GRIPAP1: variants seen among roughly 807,000 people sequenced by gnomAD.
The protein encoded by GRIPAP1 is GRIP1 associated protein 1.
A neutral mutation model predicts 84.1 loss-of-function variants in GRIPAP1; 14 were observed. That is an observed-to-expected ratio of 0.17 (90% CI 0.11 to 0.26). The LOEUF (loss-of-function observed/expected upper bound fraction) is 0.26. Ranked by LOEUF, GRIPAP1 falls within the 10% of genes least tolerant of loss-of-function variation. The probability of loss-of-function intolerance (pLI) is 1.00; values close to 1 mark genes in which losing one functional copy is unlikely to be tolerated. For synonymous variants in GRIPAP1, 261 were observed against 256.8 expected (o/e 1.02, Z -0.15); for missense variants, 518 against 674.2 (o/e 0.77, Z 2.57).
intron 1 of GRIPAP1, 103 bp downstream of exon 1, chrX:49,002,085 A>C: frequency 2.0e-6 from 1 of 502,933 alleles, no homozygotes. Context: ...CCATAAACTC[A>C]GGGTCCATCC....
chrX:48,983,161 G>T, intron 16 of GRIPAP1, 67 bp downstream of exon 16: 1 of 1,126,227 alleles, frequency 8.9e-7, no homozygotes, highest in Non-Finnish European at 1.2e-6. Flanking sequence ...GCCACCCACT[G>T]GCCTATCAGC....
intron 8 of GRIPAP1, among the ~76,000 whole-genome samples, chrX:48,990,266 T>C (rs1356073819): frequency 1.8e-5 from 2 of 111,384 alleles, no homozygotes; most frequent in African/African-American, 6.5e-5. Context: ...ATCCTTCAGG[T>C]TCCAAAGCCC....
At chrX:48,994,713 CT>C (rs1557066400) in intron 5 of GRIPAP1, among the ~76,000 whole-genome samples, 12 of 111,782 alleles carry the variant, frequency 1.1e-4, no homozygotes, top group Non-Finnish European at 2.1e-4. Context: ...TCAAAATTTT[CT>C]TTTGTAACAA....
At chrX:48,988,230 T>C in intron 11 of GRIPAP1, 32 bp from the exon 12 acceptor site, 1 of 1,038,772 alleles carries the variant, frequency 9.6e-7, no homozygotes, top group Non-Finnish European at 1.3e-6. Flanking sequence ...ATTTTACACC[T>C]CAGCCTCTCC....
intron 25 of GRIPAP1, 109 bp downstream of exon 25, chrX:48,975,046 G>A (rs1208070036): frequency 9.3e-6 from 6 of 648,581 alleles, no homozygotes; most frequent in Middle Eastern, 4.0e-4. Flanking sequence ...TAGCTGGGAG[G>A]ACAGGCTGGG....
At position 48,983,454 on chromosome X, in the gene GRIPAP1, C is replaced by T. The variant is rs1420473544; in HGVS notation, c.1273-14G>A. ...CTTCTCCGCACTCTGGGGGCCAGGA[C>T]GATGGCAGTCAACTTCCTTCCACAA... is the stretch of plus-strand genomic sequence containing the variant. On this transcript the variant is annotated splice_polypyrimidine_tract_variant and intron_variant, in intron 15 of 25. Transcript: ENST00000376423. 1.4e-5 allele frequency: 17 copies of T among 1,183,675 alleles called. No homozygotes were observed. In the South Asian group the frequency reaches 1.8e-4, roughly 12 times the overall value.
intron 5 of GRIPAP1, among the ~76,000 whole-genome samples, 199 bp downstream of exon 5, chrX:48,997,051 C>T (rs983748281): frequency 3.6e-5 from 4 of 111,314 alleles, no homozygotes; most frequent in African/African-American, 1.3e-4. Context: ...CCTCAGGGCT[C>T]AAAGCCTTCT....
chrX:48,981,930 G>C lies in GRIPAP1; in HGVS notation c.1600-58C>G, dbSNP rs1026668164. ...CCCCAGAAGGTATCATGCCCAGTTAGGGGTATGAGGGACTGCAATGGGGGC... is the reference window on the plus strand; with the variant it reads ...CCCCAGAAGGTATCATGCCCAGTTACGGGTATGAGGGACTGCAATGGGGGC... On this transcript the variant is annotated intron_variant, in intron 17 of 25. Transcript: ENST00000376423. 6.0e-6 allele frequency: 5 copies of C among 832,748 alleles called. No homozygotes were observed. The African/African-American group carries it at 1.0e-4, about 17-fold the overall frequency. 68.6% of individuals were successfully genotyped at this position (832,748 alleles called of 1,213,427 possible). A position where few individuals can be genotyped will look rare whatever the true frequency, so the allele number is the denominator to read the frequency against.
intron 1 of GRIPAP1, among the ~76,000 whole-genome samples, chrX:49,001,356 A>AC (rs35389211): frequency 0.038 from 2,483 of 64,890 alleles, 113 homozygotes; most frequent in African/African-American, 0.13. Flanking sequence ...CCCTGTTCAG[A>AC]CCCCCCCCCC....
chrX:48,990,100 G>A, intron 8 of GRIPAP1, 97 bp from the exon 9 acceptor site: 3 of 718,147 alleles, frequency 4.2e-6, no homozygotes, highest in Non-Finnish European at 4.1e-6. Flanking sequence ...AGTCATTTTT[G>A]GAAGCCAGGA....
intron 14 of GRIPAP1, among the ~76,000 whole-genome samples, chrX:48,984,778 T>C (rs1459214432): frequency 2.0e-5 from 2 of 98,620 alleles, no homozygotes; most frequent in Non-Finnish European, 4.0e-5. Context: ...ATACCAGCAC[T>C]TCGGGAGGCC....
chrX:48,981,758 C>T, intron 18 of GRIPAP1, 37 bp downstream of exon 18: 1 of 1,168,704 alleles, frequency 8.6e-7, no homozygotes, highest in South Asian at 1.8e-5. Flanking sequence ...GGGCCCGTCA[C>T]TGTCTGGAGA....
intron 17 of GRIPAP1, 49 bp from the exon 18 acceptor site, chrX:48,981,921 G>A: frequency 2.2e-6 from 2 of 915,448 alleles, no homozygotes; most frequent in South Asian, 2.1e-5. Context: ...AAGGTATCAT[G>A]CCCAGTTAGG....
chrX:48,975,849 A>G, intron 24 of GRIPAP1, 169 bp downstream of exon 24: 1 of 445,796 alleles, frequency 2.2e-6, no homozygotes, highest in Non-Finnish European at 4.0e-6. Context: ...AAGAGGGAGG[A>G]GGCGAGATCA....
intron 4 of GRIPAP1, 106 bp from the exon 5 acceptor site, chrX:48,997,463 T>C (rs1557067118): frequency 2.0e-6 from 1 of 512,268 alleles, no homozygotes; most frequent in Non-Finnish European, 3.4e-6. Flanking sequence ...GGAGAGGACA[T>C]AGGGTACAGA....
chrX:48,985,502 G>A (rs1409472921), intron 13 of GRIPAP1, 100 bp from the exon 14 acceptor site: 8 of 685,934 alleles, frequency 1.2e-5, no homozygotes, highest in African/African-American at 6.5e-5. Context: ...GGAGGGAGGT[G>A]GGAAGAGAAC....
Position 48,973,808 on chromosome X carries a change from A to G in GRIPAP1, c.*385T>C, listed in dbSNP as rs1394301999. On this transcript the variant is annotated 3_prime_UTR_variant, in exon 26 of 26. Coordinates refer to ENST00000376423, the MANE Select transcript of GRIPAP1 (RefSeq NM_020137.5). ...CACACGTGTTGCTAGAACGCTGAAC[A>G]TGGACCACACACCCACCCAGCATCC... 6 of 121,088 alleles carry G rather than the reference A, an allele frequency of 5.0e-5. No individual in the cohort carries two copies. The highest frequency in any genetic ancestry group is 8.4e-5 in the Non-Finnish European group (5 of 59,494). The allele number at this position is 121,088 out of a possible 1,213,427, so 10.0% of individuals were successfully genotyped here. A position where few individuals can be genotyped will look rare whatever the true frequency, so the allele number is the denominator to read the frequency against.
rs1557059969 is a variant in GRIPAP1 at position 48,975,010 on chromosome X, G to T, written c.2433+145C>A. On this transcript the variant is annotated intron_variant, in intron 25 of 25. Transcript: ENST00000376423. Reference sequence around the variant, plus strand: ...GAGGGTGGAAGATGAGAGCATGATGGAGTAGTTGATGAGTGGGTAGGAGGA... The same window carrying T: ...GAGGGTGGAAGATGAGAGCATGATGTAGTAGTTGATGAGTGGGTAGGAGGA... 8 of 451,495 alleles carry T rather than the reference G, an allele frequency of 1.8e-5. No homozygotes were observed. The African/African-American group carries it at 2.0e-4, about 11-fold the overall frequency. The allele number at this position is 451,495 out of a possible 1,213,427, so 37.2% of individuals were successfully genotyped here.
chrX:48,997,397 A>G (rs2064553195), intron 4 of GRIPAP1, 40 bp from the exon 5 acceptor site: 1 of 759,727 alleles, frequency 1.3e-6, no homozygotes, highest in East Asian at 3.4e-5. Context: ...AGCAAGGGCA[A>G]AAAGGATAGG....
Sources: gnomAD v4.1 joint callset for allele counts (sites outside exome capture counted in the v4.1 genomes callset) on GRCh38, gnomAD v4.1.1 for gene constraint, MANE v1.5 for transcripts, NCBI Gene and HGNC (gene_info 2026-07-23, HGNC 2026-07-21) for gene names.